The following ASB5 variants were observed in gnomAD, a reference collection of about 807,000 sequenced individuals.
The protein encoded by ASB5 is ankyrin repeat and SOCS box protein 5.
A neutral mutation model predicts 42.1 loss-of-function variants in ASB5; 45 were observed. The ratio of observed to expected loss-of-function variants is 1.07; its 90% CI spans 0.84 to 1.37. The LOEUF is 1.37. ASB5 is among the 40% of genes most tolerant of loss of function. The pLI is 0.00. For missense variants in ASB5, 402 were observed against 399.8 expected (o/e 1.01, Z -0.05); for synonymous variants, 147 against 150.6 (o/e 0.98, Z 0.18).
In ASB5 at chr4:176,215,737, G is replaced by A. The variant is rs568814296; in HGVS notation, c.863-10C>T. On this transcript the variant is annotated splice_polypyrimidine_tract_variant and intron_variant, in intron 6 of 6. Transcript: ENST00000296525. The stretch of plus-strand genomic sequence containing the variant: ...AGAGAGCTTGGGGTAGCTACAAGAA[G>A]ACATGAATCTATTTGTTAATTAAAA... The A allele has an allele frequency of 1.6e-4, 253 of 1,601,934 alleles. 1 individual carries two copies. In the South Asian group the frequency reaches 2.7e-3, roughly 17 times the overall value.
rs376452908 is a variant in ASB5 at position 176,221,606 on chromosome 4, C to A, written c.385-6G>T. The stretch of plus-strand genomic sequence containing the variant: ...TCTATCGTGATTGCATTTACCTAAA[C>A]CAAACCAAAATATCCAAACATAAGA... On this transcript the variant is annotated splice_region_variant and splice_polypyrimidine_tract_variant and intron_variant, in intron 3 of 6. Coordinates refer to ENST00000296525, the MANE Select transcript of ASB5 (RefSeq NM_080874.4). 6.2e-7 allele frequency: 1 copy of A among 1,600,308 alleles called. No homozygotes were observed. The highest frequency in any genetic ancestry group is 8.5e-7 in the Non-Finnish European group (1 of 1,171,626).
intron 1 of ASB5, among the ~76,000 whole-genome samples, chr4:176,244,154 C>T (rs1036868445): frequency 2.0e-5 from 3 of 152,068 alleles, no homozygotes; most frequent in East Asian, 3.9e-4. Context: ...CCATATTTCT[C>T]GCTTCTACTC....
rs1037771755 is a variant in ASB5 at position 176,222,222 on chromosome 4, G to A, written c.384+91C>T. ...TATTCTGCTATTTTTGAAAACTACC[G>A]AGAATGAAGGAAAGAAAAGTAAAAT... On this transcript the variant is annotated intron_variant, in intron 3 of 6. Transcript: ENST00000296525. The A allele has an allele frequency of 3.4e-6, 4 of 1,175,102 alleles. No individual in the cohort carries two copies. In the African/African-American group the frequency reaches 6.2e-5, roughly 18 times the overall value. The allele number at this position is 1,175,102 out of a possible 1,614,324, so 72.8% of individuals were successfully genotyped here.
chr4:176,269,886 A>G (rs185718582), upstream of ASB5, among the ~76,000 whole-genome samples: 42 of 152,324 alleles, frequency 2.8e-4, 1 homozygote, highest in African/African-American at 9.4e-4. Flanking sequence ...AAGGGAGCAC[A>G]AAGAGGAAGC....
chr4:176,243,665 G>T (rs930048311), intron 1 of ASB5, among the ~76,000 whole-genome samples: 2 of 151,776 alleles, frequency 1.3e-5, no homozygotes, highest in African/African-American at 4.8e-5. Context: ...ACTATGCCTG[G>T]CTAATTTTTT....
chr4:176,240,611 G>A (rs1182478130), intron 1 of ASB5, among the ~76,000 whole-genome samples: 4 of 152,158 alleles, frequency 2.6e-5, no homozygotes, highest in Admixed American at 2.6e-4. Context: ...ATTATGAAAG[G>A]CATAGTTAAG....
intron 1 of ASB5, among the ~76,000 whole-genome samples, chr4:176,243,275 GT>G (rs1753847141): frequency 6.6e-6 from 1 of 150,426 alleles, no homozygotes; most frequent in South Asian, 2.1e-4. Flanking sequence ...TATCAATTAG[GT>G]CTATCTTTTT....
At chr4:176,249,463 T>C (rs1169047030) in intron 1 of ASB5, 1 of 152,136 alleles carries the variant, frequency 6.6e-6, no homozygotes, top group Non-Finnish European at 1.5e-5. Flanking sequence ...AGTAAACACT[T>C]GGCTCTTCTT....
upstream of ASB5, among the ~76,000 whole-genome samples, chr4:176,270,710 C>G (rs1214707742): frequency 6.6e-6 from 1 of 152,052 alleles, no homozygotes; most frequent in Non-Finnish European, 1.5e-5. Context: ...AGAAGATTAA[C>G]AAAATGTTCC....
rs140948407 is a variant in ASB5, at chr4:176,235,595, T to C, written c.197-10254A>G. Among the ~76,000 whole-genome samples, 690 of 152,328 alleles carry C rather than the reference T, an allele frequency of 4.5e-3. 5 individuals are homozygous for C. Among genetic ancestry groups the C allele is most frequent in the African/African-American group, 0.016 (650 of 41,578 alleles). ...ATTTATTTAATTATCTATCAAATGA[T>C]GTTTAGGTGGCTTTTAGTTTTGGGA... On this transcript the variant is annotated intron_variant, in intron 1 of 6. Coordinates refer to ENST00000296525, the MANE Select transcript of ASB5 (RefSeq NM_080874.4).
Position 176,221,309 on chromosome 4 carries a change from G to A in ASB5, c.536-20C>T. ...GGTGACCTGCCAACACAAAGTAGAG[G>A]AGTTTAACTTAATGCCCATCCACCC... On this transcript the variant is annotated intron_variant, in intron 4 of 6. Coordinates refer to ENST00000296525, the MANE Select transcript of ASB5 (RefSeq NM_080874.4). The A allele has an allele frequency of 1.2e-6, 2 of 1,612,836 alleles. No homozygotes were observed. The highest frequency in any genetic ancestry group is 1.7e-4 in the Middle Eastern group (1 of 6,042).
intron 2 of ASB5, among the ~76,000 whole-genome samples, chr4:176,224,311 G>A (rs749140414): frequency 1.3e-4 from 17 of 130,940 alleles, no homozygotes; most frequent in African/African-American, 2.2e-4. Context: ...CTTGGCTCAC[G>A]GCAACCTCTG....
At chr4:176,224,041 G>T (rs1753300400) in intron 2 of ASB5, among the ~76,000 whole-genome samples, 1 of 152,158 alleles carries the variant, frequency 6.6e-6, no homozygotes, top group South Asian at 2.1e-4. Flanking sequence ...AGAAAAGGAG[G>T]CTCAGGTAGG....
chr4:176,221,396 C>G, intron 4 of ASB5, 54 bp downstream of exon 4: 1 of 1,601,772 alleles, frequency 6.2e-7, no homozygotes, highest in Non-Finnish European at 8.5e-7. Flanking sequence ...CAGAGCACTG[C>G]AGGTTGCTAA....
chr4:176,260,065 G>T (rs1333020277), intron 1 of ASB5, among the ~76,000 whole-genome samples: 1 of 152,194 alleles, frequency 6.6e-6, no homozygotes, highest in African/African-American at 2.4e-5. Context: ...GTTCTGTAAA[G>T]ATATGTGTAA....
chr4:176,244,321 T>G lies in ASB5; in HGVS notation c.197-18980A>C, dbSNP rs1379107233. Among the ~76,000 whole-genome samples, 10 of 152,346 alleles carry G rather than the reference T, an allele frequency of 6.6e-5. No individual in the cohort carries two copies. In the East Asian group the frequency reaches 1.9e-3, roughly 29 times the overall value. On this transcript the variant is annotated intron_variant, in intron 1 of 6. Transcript: ENST00000296525. ...TAAGTTTGGGGTGATACATGCTTCA[T>G]ACACCAAAGCACAAATTCATTGATG...
chr4:176,256,728 C>T (rs1223571238), intron 1 of ASB5, among the ~76,000 whole-genome samples: 1 of 152,064 alleles, frequency 6.6e-6, no homozygotes, highest in Non-Finnish European at 1.5e-5. Context: ...GGCTTGACCT[C>T]GGGAGTCTGA....
intron 6 of ASB5, among the ~76,000 whole-genome samples, chr4:176,216,382 C>T (rs956322489): frequency 1.3e-5 from 2 of 152,002 alleles, no homozygotes; most frequent in Non-Finnish European, 2.9e-5. Context: ...GATGGAGTCT[C>T]ACTCTGTTGC....
At chr4:176,239,387 GAATGCATAAT>G (rs1753764398) in intron 1 of ASB5, among the ~76,000 whole-genome samples, 1 of 152,100 alleles carries the variant, frequency 6.6e-6, no homozygotes, top group Non-Finnish European at 1.5e-5. Flanking sequence ...TATTCCTACA[GAATGCATAAT>G]AATGCATAAT....
Sources: allele counts gnomAD v4.1 joint callset (sites outside exome capture counted in the v4.1 genomes callset), GRCh38; gene constraint gnomAD v4.1.1; transcripts MANE v1.5; gene names NCBI Gene and HGNC (gene_info 2026-07-23, HGNC 2026-07-21).